The following PCDH9 variants were observed in gnomAD, a reference collection of about 807,000 sequenced individuals.
PCDH9 encodes the protein protocadherin 9.
Under a neutral mutation model 70.6 loss-of-function variants are expected in PCDH9, and 24 were observed. The observed-to-expected ratio is 0.34, with a 90% confidence interval of 0.25 to 0.48. PCDH9 has a LOEUF of 0.48. Among genes scored for constraint, PCDH9 ranks in the 20% least tolerant of loss-of-function variants. PCDH9 has a pLI of 0.99. For missense variants in PCDH9, 1,281 were observed against 1,503.6 expected, an observed-to-expected ratio of 0.85 and a Z score of 2.45; for synonymous variants, 562 against 558.5, an observed-to-expected ratio of 1.01 and a Z score of -0.09.
At chr13:66,736,950 T>C (rs1264263097) in intron 3 of PCDH9, among the ~76,000 whole-genome samples, 1 of 152,210 alleles carries the variant, frequency 6.6e-6, no homozygotes, top group Non-Finnish European at 1.5e-5. Context: ...CAGGATCATT[T>C]GTCTTACTTA....
intron 3 of PCDH9, among the ~76,000 whole-genome samples, chr13:66,812,601 T>C (rs1409157273): frequency 2.0e-5 from 3 of 152,138 alleles, no homozygotes; most frequent in Non-Finnish European, 2.9e-5. Flanking sequence ...GATTAAAAAG[T>C]ATGTGCAAGA....
chr13:67,018,543 C>T (rs569616036), intron 2 of PCDH9, among the ~76,000 whole-genome samples: 153 of 148,966 alleles, frequency 1.0e-3, no homozygotes, highest in African/African-American at 3.7e-3. Context: ...TGCTTAAACC[C>T]AGGAGGCAGA....
chr13:66,389,143 T>C (rs912551080), intron 4 of PCDH9, among the ~76,000 whole-genome samples: 2 of 152,174 alleles, frequency 1.3e-5, no homozygotes, highest in African/African-American at 4.8e-5. Context: ...AATAAAATCA[T>C]TGGATTTAGA....
intron 3 of PCDH9, among the ~76,000 whole-genome samples, chr13:66,770,473 A>T (rs893536900): frequency 2.0e-5 from 3 of 152,196 alleles, no homozygotes; most frequent in Non-Finnish European, 4.4e-5. Context: ...GATCTATAAA[A>T]ACATGCTGGA....
At chr13:66,867,463 G>A (rs1160457915) in intron 3 of PCDH9, among the ~76,000 whole-genome samples, 1 of 152,000 alleles carries the variant, frequency 6.6e-6, no homozygotes, top group Non-Finnish European at 1.5e-5. Context: ...CTACTGAAAA[G>A]GACATAATTT....
At chr13:67,026,638 A>G (rs1467073495) in intron 2 of PCDH9, among the ~76,000 whole-genome samples, 2 of 152,136 alleles carry the variant, frequency 1.3e-5, no homozygotes, top group Admixed American at 6.6e-5. Flanking sequence ...TTGTTTGCAG[A>G]TGACATGATT....
rs558173008 is a variant in PCDH9, at chr13:66,579,264, C to T, written c.3340+51946G>A. 4.6e-5 allele frequency among the ~76,000 whole-genome samples: 7 copies of T among 152,002 alleles called. 1 individual carries two copies. The South Asian group carries it at 1.5e-3, about 32-fold the overall frequency. ...ACAACTAAAATATAAATATATAAAT[C>T]AAAATAAGTGTTACATAATGGAGAT... is the stretch of plus-strand genomic sequence containing the variant. On this transcript the variant is annotated intron_variant, in intron 4 of 4. Transcript: ENST00000377865.
At position 66,567,745 on chromosome 13, in the gene PCDH9, T is replaced by C. The variant is rs367980468; in HGVS notation, c.3340+63465A>G. Among the ~76,000 whole-genome samples the C allele has an allele frequency of 7.2e-5, 11 of 152,182 alleles. No individual in the cohort carries two copies. The East Asian group carries it at 7.7e-4, about 11-fold the overall frequency. Reference sequence around the variant, plus strand: ...ATTTTAAAGTACAAACCAAATTTAATTGACATTATAATCTGTGACTTTACT... The same window carrying C: ...ATTTTAAAGTACAAACCAAATTTAACTGACATTATAATCTGTGACTTTACT... On this transcript the variant is annotated intron_variant, in intron 4 of 4. Transcript: ENST00000377865.
At chr13:67,014,751 A>C (rs536370963) in intron 2 of PCDH9, among the ~76,000 whole-genome samples, 92 of 151,948 alleles carry the variant, frequency 6.1e-4, no homozygotes, top group African/African-American at 2.1e-3. Flanking sequence ...CCCTCCTATG[A>C]TCTTATTCTC....
intron 4 of PCDH9, among the ~76,000 whole-genome samples, chr13:66,357,187 A>G (rs950752296): frequency 2.0e-5 from 3 of 152,066 alleles, no homozygotes; most frequent in Admixed American, 6.6e-5. Context: ...TAACCATCAT[A>G]AAGAAAGATG....
intron 3 of PCDH9, among the ~76,000 whole-genome samples, chr13:66,823,002 T>C (rs577482777): frequency 4.0e-4 from 61 of 152,226 alleles, no homozygotes; most frequent in African/African-American, 1.4e-3. Context: ...TGTATTTTAA[T>C]AGATACAAAT....
chr13:66,528,410 G>A (rs1313665828), intron 4 of PCDH9, among the ~76,000 whole-genome samples: 1 of 152,098 alleles, frequency 6.6e-6, no homozygotes. Flanking sequence ...CCCCGCAATA[G>A]TGCAATTGTA....
In PCDH9 at chr13:67,090,116, G is replaced by C. The variant is rs182716760; in HGVS notation, c.3036+135289C>G. Reference sequence around the variant, plus strand: ...GAAGAATTTCAGGAAAACAAAATAAGTATTTAATAAATATCTGTTGAATGA... The same window carrying C: ...GAAGAATTTCAGGAAAACAAAATAACTATTTAATAAATATCTGTTGAATGA... On this transcript the variant is annotated intron_variant, in intron 2 of 4. Coordinates refer to ENST00000377865, the MANE Select transcript of PCDH9 (RefSeq NM_203487.3). Among the ~76,000 whole-genome samples, 13 of 152,122 alleles carry C rather than the reference G, an allele frequency of 8.5e-5. 1 individual carries two copies. The East Asian group carries it at 2.3e-3, about 27-fold the overall frequency.
rs559352987 is a variant in PCDH9 at position 66,666,688 on chromosome 13, T to C, written c.3139-35277A>G. 3.4e-4 allele frequency among the ~76,000 whole-genome samples: 52 copies of C among 152,284 alleles called. 1 individual carries two copies. The highest frequency in any genetic ancestry group is 1.3e-3 in the African/African-American group (52 of 41,566). ...GAATTGTTCTACAATATGTCAGAAA[T>C]ACTGTATTGTTATTAATACTGATTC... On this transcript the variant is annotated intron_variant, in intron 3 of 4. Coordinates refer to ENST00000377865, the MANE Select transcript of PCDH9 (RefSeq NM_203487.3).
intron 2 of PCDH9, among the ~76,000 whole-genome samples, chr13:67,072,874 G>C (rs932577703): frequency 1.3e-5 from 2 of 152,102 alleles, no homozygotes; most frequent in African/African-American, 4.8e-5. Context: ...ATCTGTTACT[G>C]CTGGAAAGTT....
At chr13:66,744,138 A>T (rs1279338323) in intron 3 of PCDH9, among the ~76,000 whole-genome samples, 2 of 152,186 alleles carry the variant, frequency 1.3e-5, no homozygotes, top group African/African-American at 2.4e-5. Flanking sequence ...GGGTAATGGA[A>T]TTCTGACTGT....
chr13:66,737,578 G>A (rs2079172829), intron 3 of PCDH9, among the ~76,000 whole-genome samples: 1 of 152,204 alleles, frequency 6.6e-6, no homozygotes. Context: ...ATTTCCATCT[G>A]AGGTACCGGG....
intron 4 of PCDH9, among the ~76,000 whole-genome samples, chr13:66,455,366 T>C (rs945400009): frequency 2.6e-5 from 4 of 151,870 alleles, no homozygotes; most frequent in Admixed American, 2.0e-4. Flanking sequence ...TAAAGAATTA[T>C]AACAATATTC....
chr13:67,068,881 T>A (rs1007969482), intron 2 of PCDH9, among the ~76,000 whole-genome samples: 15 of 152,212 alleles, frequency 9.9e-5, no homozygotes, highest in African/African-American at 3.6e-4. Context: ...TAACAGAATG[T>A]GCTCACATGT....
Sources: allele counts gnomAD v4.1 joint callset (sites outside exome capture counted in the v4.1 genomes callset), GRCh38; gene constraint gnomAD v4.1.1; transcripts MANE v1.5; gene names NCBI Gene and HGNC (gene_info 2026-07-23, HGNC 2026-07-21).